Variants in SPIDR observed in about 807,000 individuals in gnomAD.
SPIDR encodes scaffold protein involved in DNA repair.
A neutral mutation model predicts 104.6 loss-of-function variants in SPIDR; 93 were observed. The observed-to-expected ratio is 0.89, with a 90% CI of 0.75 to 1.06. SPIDR has a LOEUF of 1.06. Among genes scored for constraint, SPIDR ranks in the 50% least tolerant of loss-of-function variants. The probability of loss-of-function intolerance (pLI) is 0.00; values close to 1 mark genes in which losing one functional copy is unlikely to be tolerated. For missense variants in SPIDR, 1,154 were observed against 1,111.2 expected, an observed-to-expected ratio of 1.04 and a Z score of -0.55; for synonymous variants, 431 against 416.9, an observed-to-expected ratio of 1.03 and a Z score of -0.41.
intron 16 of SPIDR, among the ~76,000 whole-genome samples, chr8:47,714,941 C>A (rs2154489553): frequency 6.6e-6 from 1 of 152,220 alleles, no homozygotes; most frequent in Non-Finnish European, 1.5e-5. Flanking sequence ...TTTTAAACAA[C>A]TTTATTGAGC....
chr8:47,655,628 C>T (rs1376495332), intron 10 of SPIDR, among the ~76,000 whole-genome samples: 2 of 152,098 alleles, frequency 1.3e-5, no homozygotes, highest in Non-Finnish European at 2.9e-5. Context: ...GATATTAGCC[C>T]TTTGTCAGAT....
intron 5 of SPIDR, among the ~76,000 whole-genome samples, chr8:47,355,271 T>TAAAAAAAAAAAAAAAAAAAAA (rs34902790): frequency 9.4e-5 from 11 of 116,554 alleles, no homozygotes; most frequent in African/African-American, 3.3e-4. Flanking sequence ...AGGTTTTTTG[T>TAAAAAAAAAAAAAAAAAAAAA]AAAAAAAAAA....
intron 5 of SPIDR, among the ~76,000 whole-genome samples, chr8:47,360,534 C>G (rs2055644863): frequency 6.6e-6 from 1 of 152,086 alleles, no homozygotes; most frequent in African/African-American, 2.4e-5. Context: ...GTGGTGAAAA[C>G]CCGTAGGCTT....
At chr8:47,321,492 T>A (rs1387162318) in intron 5 of SPIDR, among the ~76,000 whole-genome samples, 2 of 152,104 alleles carry the variant, frequency 1.3e-5, no homozygotes, top group African/African-American at 4.8e-5. Flanking sequence ...ACAGGAAGAA[T>A]CAGTATCATG....
rs1252958064 is a variant in SPIDR at position 47,685,948 on chromosome 8, G to A, written c.1685+12007G>A. On this transcript the variant is annotated intron_variant, in intron 11 of 19. Coordinates refer to ENST00000297423, the MANE Select transcript of SPIDR (RefSeq NM_001080394.4). ...AAGGCAAGAGGATCACTTGGGTGCAGGAGTTCAAGACCAGCCTCGGCAACA... is the reference window on the plus strand; with the variant it reads ...AAGGCAAGAGGATCACTTGGGTGCAAGAGTTCAAGACCAGCCTCGGCAACA... 6.6e-5 allele frequency among the ~76,000 whole-genome samples: 10 copies of A among 152,232 alleles called. 1 individual carries two copies. The South Asian group carries it at 2.1e-3, about 32-fold the overall frequency.
intron 8 of SPIDR, among the ~76,000 whole-genome samples, chr8:47,492,006 T>G (rs1026795447): frequency 6.6e-6 from 1 of 152,174 alleles, no homozygotes; most frequent in African/African-American, 2.4e-5. Flanking sequence ...TGACGCTGTC[T>G]TATGGTTAAC....
chr8:47,278,504 A>G (rs931845259), intron 1 of SPIDR, among the ~76,000 whole-genome samples: 3 of 151,958 alleles, frequency 2.0e-5, no homozygotes, highest in Admixed American at 6.6e-5. Flanking sequence ...AAAAATTTGT[A>G]GACATGGGGT....
chr8:47,310,276 G>C (rs1376281669), intron 5 of SPIDR, among the ~76,000 whole-genome samples: 1 of 150,280 alleles, frequency 6.7e-6, no homozygotes, highest in African/African-American at 2.5e-5. Context: ...GGAGGTCGCA[G>C]TGAGCTGAGA....
intron 7 of SPIDR, among the ~76,000 whole-genome samples, chr8:47,420,108 A>C (rs1297425610): frequency 6.6e-6 from 1 of 151,922 alleles, no homozygotes; most frequent in Non-Finnish European, 1.5e-5. Context: ...TGGGGTGGAG[A>C]GTTCTGTAGA....
chr8:47,533,708 C>T (rs1286015510), intron 8 of SPIDR, among the ~76,000 whole-genome samples: 1 of 152,102 alleles, frequency 6.6e-6, no homozygotes, highest in Non-Finnish European at 1.5e-5. Context: ...AAATCAAAAC[C>T]ACAATTACAT....
At chr8:47,327,357 A>C (rs189848876) in intron 5 of SPIDR, among the ~76,000 whole-genome samples, 1 of 150,882 alleles carries the variant, frequency 6.6e-6, no homozygotes, top group Non-Finnish European at 1.5e-5. Flanking sequence ...ATGACTGGCA[A>C]ATGTTTTCTC....
intron 8 of SPIDR, among the ~76,000 whole-genome samples, chr8:47,548,538 C>T (rs1207874805): frequency 6.6e-6 from 1 of 152,158 alleles, no homozygotes; most frequent in Non-Finnish European, 1.5e-5. Flanking sequence ...ATCCCAGCTA[C>T]TCGGGAGGCT....
intron 1 of SPIDR, among the ~76,000 whole-genome samples, chr8:47,273,350 G>A (rs1298523291): frequency 6.6e-6 from 1 of 152,190 alleles, no homozygotes; most frequent in Admixed American, 6.5e-5. Flanking sequence ...TTCAGTAGAA[G>A]CAGATGAACA....
chr8:47,412,033 T>C (rs371125805), intron 7 of SPIDR, among the ~76,000 whole-genome samples: 2 of 152,230 alleles, frequency 1.3e-5, no homozygotes, highest in African/African-American at 4.8e-5. Flanking sequence ...TTGGTACCAG[T>C]ACCATGGTGT....
At chr8:47,329,629 A>G (rs1240933785) in intron 5 of SPIDR, among the ~76,000 whole-genome samples, 7 of 152,132 alleles carry the variant, frequency 4.6e-5, no homozygotes, top group Non-Finnish European at 1.5e-5. Context: ...CATTACCACT[A>G]TATGGCTCTA....
intron 10 of SPIDR, among the ~76,000 whole-genome samples, chr8:47,620,429 G>C (rs1017650141): frequency 1.3e-5 from 2 of 151,498 alleles, no homozygotes; most frequent in African/African-American, 4.9e-5. Flanking sequence ...CACCACACCT[G>C]GCTAATTTTT....
At chr8:47,466,768 A>C (rs1554717296) in intron 8 of SPIDR, among the ~76,000 whole-genome samples, 1 of 151,468 alleles carries the variant, frequency 6.6e-6, no homozygotes, top group African/African-American at 2.4e-5. Context: ...GAACTAGAAA[A>C]CCAAAAGCAA....
At chr8:47,679,936 G>A (rs933150368) in intron 11 of SPIDR, among the ~76,000 whole-genome samples, 4 of 152,236 alleles carry the variant, frequency 2.6e-5, no homozygotes, top group Non-Finnish European at 5.9e-5. Flanking sequence ...GTTTTCTTGG[G>A]TTAATCTTAG....
At chr8:47,380,853 T>G (rs961724916) in intron 5 of SPIDR, among the ~76,000 whole-genome samples, 2 of 152,192 alleles carry the variant, frequency 1.3e-5, no homozygotes, top group Non-Finnish European at 1.5e-5. Flanking sequence ...GCTGGCTGAT[T>G]TTCACGGATA....
Sources: allele counts gnomAD v4.1 joint callset (sites outside exome capture counted in the v4.1 genomes callset), GRCh38; gene constraint gnomAD v4.1.1; transcripts MANE v1.5; gene names NCBI Gene and HGNC (gene_info 2026-07-23, HGNC 2026-07-21).